Variants in NRXN3 observed in about 807,000 individuals in gnomAD.
NRXN3 encodes neurexin III.
NRXN3 carries 32 observed loss-of-function variants against 137.6 expected under a neutral mutation model. The ratio of observed to expected loss-of-function variants is 0.23; its 90% confidence interval spans 0.18 to 0.31. The LOEUF (loss-of-function observed/expected upper bound fraction) is 0.31. Ranked by LOEUF, NRXN3 falls within the 10% of genes least tolerant of loss-of-function variation. The pLI is 1.00. For synonymous variants in NRXN3, 798 were observed against 784.5 expected, an observed-to-expected ratio of 1.02 and a Z score of -0.29; for missense variants, 1,574 against 2,062.5, an observed-to-expected ratio of 0.76 and a Z score of 4.59.
At chr14:78,274,968 C>T (rs958121868) in intron 2 of NRXN3, among the ~76,000 whole-genome samples, 2 of 152,166 alleles carry the variant, frequency 1.3e-5, no homozygotes, top group Non-Finnish European at 2.9e-5. Flanking sequence ...AGCCAGTCCT[C>T]AGTTTTTCTA....
At chr14:79,435,629 C>CAT (rs1440423116) in intron 15 of NRXN3, among the ~76,000 whole-genome samples, 1 of 150,854 alleles carries the variant, frequency 6.6e-6, no homozygotes, top group South Asian at 2.1e-4. Flanking sequence ...CACACACACA[C>CAT]ATACATTCTT....
intron 15 of NRXN3, among the ~76,000 whole-genome samples, chr14:79,159,892 T>C (rs1161449368): frequency 6.6e-6 from 1 of 151,942 alleles, no homozygotes; most frequent in Non-Finnish European, 1.5e-5. Context: ...ATTTTTTTCT[T>C]ATATGCGTTT....
chr14:78,235,023 T>TATATATATATATATATATATATAA (rs61371349), intron 1 of NRXN3, among the ~76,000 whole-genome samples: 1 of 98,706 alleles, frequency 1.0e-5, no homozygotes, highest in African/African-American at 4.4e-5. Context: ...TATATATATA[T>TATATATATATATATATATATATAA]GTGTATATAT....
chr14:79,702,545 A>T (rs1267795890), intron 19 of NRXN3, among the ~76,000 whole-genome samples: 1 of 151,966 alleles, frequency 6.6e-6, no homozygotes, highest in African/African-American at 2.4e-5. Context: ...AGTTGTTAAA[A>T]GCAGAGATTA....
intron 4 of NRXN3, among the ~76,000 whole-genome samples, chr14:78,621,171 T>C (rs780583323): frequency 6.6e-6 from 1 of 152,170 alleles, no homozygotes; most frequent in Non-Finnish European, 1.5e-5. Flanking sequence ...TTGATGAAGC[T>C]CTGTTGGCTC....
At chr14:78,347,525 T>C (rs1030797626) in intron 4 of NRXN3, among the ~76,000 whole-genome samples, 1 of 152,134 alleles carries the variant, frequency 6.6e-6, no homozygotes, top group Non-Finnish European at 1.5e-5. Flanking sequence ...TCCCCTTCAT[T>C]CCCCTACCCA....
chr14:79,257,589 ATGG>A (rs780777887), intron 15 of NRXN3, among the ~76,000 whole-genome samples: 345 of 29,812 alleles, frequency 0.012, 2 homozygotes, highest in African/African-American at 0.038. Context: ...GATGGTAATG[ATGG>A]TGGTGGTGGT....
At chr14:79,593,547 C>T (rs962589894) in intron 16 of NRXN3, among the ~76,000 whole-genome samples, 6 of 146,778 alleles carry the variant, frequency 4.1e-5, no homozygotes, top group South Asian at 2.2e-4. Context: ...GGGAGAATGG[C>T]GTGAACCCGG....
chr14:78,746,543 A>C (rs917122515), intron 8 of NRXN3, among the ~76,000 whole-genome samples: 4 of 152,212 alleles, frequency 2.6e-5, no homozygotes, highest in Admixed American at 2.6e-4. Context: ...TTGATGTGTC[A>C]AAATGGGAGT....
intron 14 of NRXN3, among the ~76,000 whole-genome samples, chr14:78,969,485 G>A (rs532921525): frequency 4.6e-5 from 7 of 152,172 alleles, no homozygotes; most frequent in South Asian, 4.1e-4. Flanking sequence ...CTGTGTTTGC[G>A]CAATATATTG....
chr14:79,073,810 T>C (rs1370392230), intron 15 of NRXN3, among the ~76,000 whole-genome samples: 2 of 152,168 alleles, frequency 1.3e-5, no homozygotes, highest in Non-Finnish European at 2.9e-5. Context: ...CATAGTAAAG[T>C]ATCAAGAAAA....
At chr14:79,268,528 G>C (rs1331547344) in intron 15 of NRXN3, among the ~76,000 whole-genome samples, 2 of 152,152 alleles carry the variant, frequency 1.3e-5, no homozygotes, top group African/African-American at 4.8e-5. Flanking sequence ...AAAACATGTG[G>C]TAATGTCCAC....
intron 15 of NRXN3, among the ~76,000 whole-genome samples, chr14:79,065,888 C>T (rs954285530): frequency 3.9e-5 from 6 of 152,076 alleles, no homozygotes; most frequent in Admixed American, 2.0e-4. Flanking sequence ...TGGTGGTTTA[C>T]TGCACAAACC....
chr14:78,416,710 G>T (rs2153670597), intron 4 of NRXN3, among the ~76,000 whole-genome samples: 1 of 152,300 alleles, frequency 6.6e-6, no homozygotes, highest in East Asian at 1.9e-4. Context: ...CACTCACTTG[G>T]AGGCACATGG....
intron 4 of NRXN3, among the ~76,000 whole-genome samples, chr14:78,320,575 G>A (rs1010356321): frequency 1.3e-5 from 2 of 152,182 alleles, no homozygotes; most frequent in Non-Finnish European, 2.9e-5. Flanking sequence ...CAGAGGAATC[G>A]AAAGTGCTTG....
chr14:78,571,635 G>T (rs2096890300), intron 4 of NRXN3, among the ~76,000 whole-genome samples: 2 of 152,148 alleles, frequency 1.3e-5, no homozygotes, highest in African/African-American at 4.8e-5. Flanking sequence ...AGTATATTTT[G>T]ATTTTGGTGT....
At chr14:79,268,542 G>A (rs974972515) in intron 15 of NRXN3, among the ~76,000 whole-genome samples, 2 of 152,124 alleles carry the variant, frequency 1.3e-5, no homozygotes, top group African/African-American at 4.8e-5. Flanking sequence ...TGTCCACATG[G>A]GCAAAGTTGG....
intron 10 of NRXN3, among the ~76,000 whole-genome samples, chr14:78,913,814 T>C (rs2099247647): frequency 6.6e-6 from 1 of 152,054 alleles, no homozygotes; most frequent in South Asian, 2.1e-4. Flanking sequence ...CATGGGAAGG[T>C]GGGAGCTCTG....
At chr14:79,384,419 A>G (rs990910647) in intron 15 of NRXN3, among the ~76,000 whole-genome samples, 7 of 152,314 alleles carry the variant, frequency 4.6e-5, no homozygotes, top group African/African-American at 1.4e-4. Flanking sequence ...AATAATCTAT[A>G]AATTGAAATC....
Sources: allele counts gnomAD v4.1 joint callset (sites outside exome capture counted in the v4.1 genomes callset), GRCh38; gene constraint gnomAD v4.1.1; transcripts MANE v1.5; gene names NCBI Gene and HGNC (gene_info 2026-07-23, HGNC 2026-07-21).